Variants in VAV2 observed in about 807,000 individuals in gnomAD.
The protein encoded by VAV2 is vav guanine nucleotide exchange factor 2, also known as guanine nucleotide exchange factor VAV2.
VAV2 carries 67 observed loss-of-function variants against 132.5 expected under a neutral mutation model. The observed-to-expected ratio is 0.51, with a 90% CI of 0.42 to 0.62. The LOEUF is 0.62. Ranked by LOEUF, VAV2 falls within the 20% of genes least tolerant of loss-of-function variation. VAV2 has a pLI of 0.00. For synonymous variants in VAV2, 492 were observed against 443.5 expected, an observed-to-expected ratio of 1.11 and a Z score of -1.37; for missense variants, 938 against 1,153.6, an observed-to-expected ratio of 0.81 and a Z score of 2.71.
chr9:133,898,241 G>T (rs1418965979), intron 2 of VAV2, among the ~76,000 whole-genome samples: 1 of 152,098 alleles, frequency 6.6e-6, no homozygotes, highest in African/African-American at 2.4e-5. Context: ...GTGGCCAGAG[G>T]GGCTCCAAGG....
At position 133,804,942 on chromosome 9, in the gene VAV2, C is replaced by T. The variant is rs557329129; in HGVS notation, c.836+1139G>A. 1.2e-4 allele frequency among the ~76,000 whole-genome samples: 19 copies of T among 152,334 alleles called. No individual in the cohort carries two copies. The South Asian group carries it at 2.3e-3, about 18-fold the overall frequency. On this transcript the variant is annotated intron_variant, in intron 9 of 29. Transcript: ENST00000371850. The surrounding 1 kb of genome is among the most constrained non-coding windows in gnomAD (Gnocchi z 4.5). Reference sequence around the variant, plus strand: ...CTCGTGTCTCCGGGAACCCTCCAAGCCATGGCCCCTGGAGAGCAGGCTCCA... The same window carrying T: ...CTCGTGTCTCCGGGAACCCTCCAAGTCATGGCCCCTGGAGAGCAGGCTCCA...
rs1023125361 is a variant in VAV2 at position 133,883,291 on chromosome 9, C to T, written c.322-21859G>A. ...TGACAACGATTCTCTGCACAAATGG[C>T]GGACCCACAGAGGAGCGAAGGCGCA... On this transcript the variant is annotated intron_variant, in intron 2 of 29. Coordinates refer to ENST00000371850, the MANE Select transcript of VAV2 (RefSeq NM_001134398.2). The surrounding 1 kb of genome is among the most constrained non-coding windows in gnomAD (Gnocchi z 4.2). Among the ~76,000 whole-genome samples the T allele has an allele frequency of 2.3e-4, 35 of 152,206 alleles. No homozygotes were observed. Among genetic ancestry groups the T allele is most frequent in the African/African-American group, 8.0e-4 (33 of 41,440 alleles).
At position 133,991,947 on chromosome 9, in the gene VAV2, C is replaced by T. The variant is rs1564531489; in HGVS notation, c.204+128G>A. ...GGCGCACCCTCCAGCCGCCCGCCCG[C>T]GTCCCGGAGCCCGGCCGCCCCAGCC... On this transcript the variant is annotated intron_variant, in intron 1 of 29. Transcript: ENST00000371850. This position sits in a 1 kb window ranked among gnomAD's most constrained non-coding sequence, Gnocchi z 4.8. The T allele has an allele frequency of 2.7e-6, 2 of 746,050 alleles. No homozygotes were observed. Among genetic ancestry groups the T allele is most frequent in the Non-Finnish European group, 3.4e-6 (2 of 585,918 alleles). 46.2% of individuals were successfully genotyped at this position (746,050 alleles called of 1,614,324 possible).
intron 2 of VAV2, among the ~76,000 whole-genome samples, chr9:133,890,053 G>T (rs1317322004): frequency 6.6e-6 from 1 of 152,216 alleles, no homozygotes; most frequent in African/African-American, 2.4e-5. Context: ...ACTCCGGGAG[G>T]CTATGGTGCC....
At chr9:133,982,131 G>A (rs1842713892) in intron 1 of VAV2, among the ~76,000 whole-genome samples, 2 of 152,212 alleles carry the variant, frequency 1.3e-5, no homozygotes, top group Admixed American at 1.3e-4. Flanking sequence ...CTAAGCAGAT[G>A]GCAGCAGTGA....
intron 2 of VAV2, among the ~76,000 whole-genome samples, chr9:133,890,325 C>A (rs1455337393): frequency 6.6e-6 from 1 of 152,228 alleles, no homozygotes; most frequent in Non-Finnish European, 1.5e-5. Context: ...CGGCGCGTCT[C>A]ACGCAGGCCG....
At chr9:133,888,460 C>A (rs1180626835) in intron 2 of VAV2, among the ~76,000 whole-genome samples, 1 of 152,236 alleles carries the variant, frequency 6.6e-6, no homozygotes, top group Non-Finnish European at 1.5e-5. Flanking sequence ...CTCTTTTGAA[C>A]CCAAGGCCAA....
In VAV2 at chr9:133,992,070, C is replaced by T; in HGVS notation, c.204+5G>A. On this transcript the variant is annotated splice_donor_5th_base_variant and intron_variant, in intron 1 of 29. Transcript: ENST00000371850. The surrounding 1 kb of genome is among the most constrained non-coding windows in gnomAD (Gnocchi z 5.5). ...CCGGGGCCCTCCCGCCCGCCGGGCG[C>T]TCACCTGGGACATCTGCGGCCGGAA... The T allele has an allele frequency of 6.4e-7, 1 of 1,552,436 alleles. No homozygotes were observed. Among genetic ancestry groups the T allele is most frequent in the South Asian group, 1.2e-5 (1 of 85,172 alleles).
intron 8 of VAV2, 22 bp downstream of exon 8, chr9:133,807,236 C>T (rs55940550): frequency 0.027 from 43,797 of 1,605,350 alleles, 1,230 homozygotes; most frequent in African/African-American, 0.14. Context: ...CTGGCATGAG[C>T]GATGGGGGCC....
chr9:133,956,524 G>A (rs762299434), intron 1 of VAV2, among the ~76,000 whole-genome samples: 45 of 152,150 alleles, frequency 3.0e-4, no homozygotes, highest in Non-Finnish European at 6.0e-4. Context: ...TTCTTAAAAA[G>A]TTATCTCAGC....
At chr9:133,988,972 G>A (rs959381575) in intron 1 of VAV2, among the ~76,000 whole-genome samples, 9 of 152,176 alleles carry the variant, frequency 5.9e-5, no homozygotes, top group Admixed American at 5.2e-4. Context: ...AACACTTAGG[G>A]AGGCCTAGGC....
chr9:133,850,720 G>A (rs1281993316), intron 3 of VAV2, among the ~76,000 whole-genome samples: 4 of 152,180 alleles, frequency 2.6e-5, no homozygotes, highest in Admixed American at 6.5e-5. Context: ...GGAGACACCT[G>A]CCAGGTCCCA....
chr9:133,986,813 C>A (rs956003825), intron 1 of VAV2, among the ~76,000 whole-genome samples: 1 of 152,140 alleles, frequency 6.6e-6, no homozygotes, highest in African/African-American at 2.4e-5. Context: ...CCAGCCCCTT[C>A]TGCTGGCACC....
At chr9:133,799,702 A>T (rs1834855654) in intron 9 of VAV2, among the ~76,000 whole-genome samples, 1 of 152,174 alleles carries the variant, frequency 6.6e-6, no homozygotes, top group African/African-American at 2.4e-5. Context: ...CTGTTATTAC[A>T]CTGATCATTT....
intron 12 of VAV2, among the ~76,000 whole-genome samples, chr9:133,793,288 TG>T (rs1222894547): frequency 6.8e-6 from 1 of 146,534 alleles, no homozygotes; most frequent in Admixed American, 6.8e-5. Flanking sequence ...GAGCAGCGGG[TG>T]GAATTCCCCA....
intron 3 of VAV2, among the ~76,000 whole-genome samples, chr9:133,856,940 C>T (rs1837407185): frequency 6.6e-6 from 1 of 152,186 alleles, no homozygotes; most frequent in Non-Finnish European, 1.5e-5. Context: ...CAGCCGCGGG[C>T]CTTCCACAAG....
At chr9:133,835,298 GC>G (rs1836425383) in intron 3 of VAV2, among the ~76,000 whole-genome samples, 1 of 151,750 alleles carries the variant, frequency 6.6e-6, no homozygotes, top group Non-Finnish European at 1.5e-5. Flanking sequence ...GATGGGTGTG[GC>G]CCCGAGTCTA....
chr9:133,810,248 G>T (rs763195816), intron 5 of VAV2, 43 bp from the exon 6 acceptor site: 1 of 1,612,380 alleles, frequency 6.2e-7, no homozygotes, highest in South Asian at 1.1e-5. Flanking sequence ...CCGGTTAGCA[G>T]GGCCCACACT....
intron 1 of VAV2, among the ~76,000 whole-genome samples, chr9:133,988,476 C>T (rs761304591): frequency 2.4e-4 from 37 of 152,160 alleles, no homozygotes; most frequent in Non-Finnish European, 3.8e-4. Flanking sequence ...GGAACCTTGA[C>T]GGCCTCACCT....
Sources: gnomAD v4.1 joint callset for allele counts (sites outside exome capture counted in the v4.1 genomes callset) on GRCh38, gnomAD v4.1.1 for gene constraint, Gnocchi (gnomAD v3.1) non-coding constraint, MANE v1.5 for transcripts, NCBI Gene and HGNC (gene_info 2026-07-23, HGNC 2026-07-21) for gene names.